The following PMS1 variants were observed in gnomAD, a reference collection of about 807,000 sequenced individuals.
PMS1 encodes the protein PMS1 homolog 1, mismatch repair system component.
Under a neutral mutation model 93.1 loss-of-function variants are expected in PMS1, and 79 were observed. That is an observed-to-expected ratio of 0.85 (90% CI 0.71 to 1.02). The LOEUF is 1.02. Ranked by LOEUF, PMS1 falls within the 50% of genes least tolerant of loss-of-function variation. The pLI, the probability that PMS1 is intolerant of heterozygous loss-of-function variation, is 0.00. For missense variants in PMS1, 1,064 were observed against 1,085.3 expected (o/e 0.98, Z 0.28); for synonymous variants, 335 against 363.4 (o/e 0.92, Z 0.89).
chr2:189,815,788 A>C (rs960072734), intron 4 of PMS1, among the ~76,000 whole-genome samples: 2 of 152,202 alleles, frequency 1.3e-5, no homozygotes, highest in Non-Finnish European at 2.9e-5. Context: ...TATCTCATGA[A>C]TCTTTATTTA....
chr2:189,805,469 A>G (rs1390134433), intron 3 of PMS1, among the ~76,000 whole-genome samples, 183 bp from the exon 4 acceptor site: 1 of 152,222 alleles, frequency 6.6e-6, no homozygotes, highest in Non-Finnish European at 1.5e-5. Context: ...AAAAAAATAC[A>G]AGCTGGCCTG....
chr2:189,788,834 T>A (rs989153461), intron 1 of PMS1, among the ~76,000 whole-genome samples: 4 of 152,244 alleles, frequency 2.6e-5, no homozygotes, highest in Non-Finnish European at 5.9e-5. Context: ...TTCAGTAAGC[T>A]ACATATGACT....
rs774486487 is a variant in PMS1 at position 189,854,434 on chromosome 2, A to C, written c.1162A>C (p.Ile388Leu). The C allele has an allele frequency of 1.1e-5, 17 of 1,609,052 alleles. No homozygotes were observed. In the East Asian group the frequency reaches 3.6e-4, roughly 34 times the overall value. Reference sequence around the variant, plus strand: ...TTATTCAAATGTTGATACTTCAGTCATTCCATTCCAAAATGATATGCATAA... The same window carrying C: ...TTATTCAAATGTTGATACTTCAGTCCTTCCATTCCAAAATGATATGCATAA... ...KNYSNVDTSVIPFQNDMHNDE... is the reference protein window; with the variant it reads ...KNYSNVDTSVLPFQNDMHNDE... Residue 388 changes from isoleucine to leucine, a missense_variant, in exon 9 of 13, where the codon ATT becomes CTT. Physicochemically the swap from Ile to Leu is conservative, Grantham distance 5 (BLOSUM62 2). Coordinates refer to ENST00000441310, the MANE Select transcript of PMS1 (RefSeq NM_000534.5).
intron 3 of PMS1, among the ~76,000 whole-genome samples, chr2:189,802,184 G>C (rs1295204267): frequency 6.6e-6 from 1 of 152,078 alleles, no homozygotes. Flanking sequence ...GTTGACCCTT[G>C]AACATCACCC....
chr2:189,811,159 T>C (rs1575104057), intron 4 of PMS1, among the ~76,000 whole-genome samples: 1 of 150,322 alleles, frequency 6.7e-6, no homozygotes, highest in Non-Finnish European at 1.5e-5. Context: ...AAAAATAATA[T>C]GCAAACAGAA....
In PMS1 at chr2:189,854,270, T is replaced by G. The variant is rs2055087431; in HGVS notation, c.998T>G (p.Met333Arg). The G allele has an allele frequency of 6.3e-7, 1 of 1,595,224 alleles. No individual in the cohort carries two copies. The highest frequency in any genetic ancestry group is 2.2e-5 in the East Asian group (1 of 44,588). Reference protein sequence around the residue: ...ESVLIALENLMTTCYGPLPST... With the variant: ...ESVLIALENLRTTCYGPLPST... ...GTTTTAATTGCTCTTGAAAATCTGA[T>G]GACGACTTGTTATGGACCATTACCT... The change falls in exon 9 of 13, where the codon ATG (methionine) becomes AGG (arginine). Residue 333 changes from methionine to arginine, a missense_variant. By Grantham distance (91) the Met-to-Arg change is moderately conservative (BLOSUM62 -1). Transcript: ENST00000441310.
chr2:189,839,429 C>T (rs1322654255), intron 5 of PMS1, among the ~76,000 whole-genome samples: 1 of 152,192 alleles, frequency 6.6e-6, no homozygotes, highest in Non-Finnish European at 1.5e-5. Context: ...CTACATTGCA[C>T]GTAAGGGAAA....
At chr2:189,789,931 G>C (rs910345590) in intron 1 of PMS1, among the ~76,000 whole-genome samples, 2 of 152,054 alleles carry the variant, frequency 1.3e-5, no homozygotes, top group African/African-American at 4.8e-5. Context: ...CCCCCTCCCT[G>C]CATGCTTTAC....
At chr2:189,838,902 C>T (rs2053597285) in intron 5 of PMS1, among the ~76,000 whole-genome samples, 1 of 152,182 alleles carries the variant, frequency 6.6e-6, no homozygotes, top group Non-Finnish European at 1.5e-5. Flanking sequence ...CTCAGGTCAC[C>T]TATCGGAATA....
At chr2:189,861,540 A>C (rs2056000273) in intron 9 of PMS1, among the ~76,000 whole-genome samples, 1 of 152,010 alleles carries the variant, frequency 6.6e-6, no homozygotes, top group Non-Finnish European at 1.5e-5. Context: ...ACCTGAAGTC[A>C]GAAGTTTGAG....
At chr2:189,799,674 C>G (rs1311031994) in intron 3 of PMS1, among the ~76,000 whole-genome samples, 8 of 152,210 alleles carry the variant, frequency 5.3e-5, no homozygotes, top group Non-Finnish European at 1.2e-4. Context: ...TCTAGATCCC[C>G]CACTTCAGGA....
rs148709441 is a variant in PMS1 at position 189,829,804 on chromosome 2, T to A, written c.582+11624T>A. 2.8e-3 allele frequency among the ~76,000 whole-genome samples: 419 copies of A among 152,334 alleles called. 3 individuals are homozygous for A. The highest frequency in any genetic ancestry group is 0.016 in the South Asian group (77 of 4,830). On this transcript the variant is annotated intron_variant, in intron 5 of 12. Transcript: ENST00000441310. ...CTGATTCCAGAGTAAATTCCGTAGG[T>A]CTATCTTTAAAATATATCCAGAATC...
At chr2:189,876,748 C>CA (rs1457238416) in intron 12 of PMS1, among the ~76,000 whole-genome samples, 1 of 150,584 alleles carries the variant, frequency 6.6e-6, no homozygotes, top group Non-Finnish European at 1.5e-5. Context: ...GCTGGGACTA[C>CA]AGGCATGCCC....
At position 189,790,624 on chromosome 2, in the gene PMS1, T is replaced by G. The variant is rs559563049; in HGVS notation, c.-20-1166T>G. Among the ~76,000 whole-genome samples, 4 of 152,346 alleles carry G rather than the reference T, an allele frequency of 2.6e-5. No individual in the cohort carries two copies. In the South Asian group the frequency reaches 6.2e-4, roughly 24 times the overall value. On this transcript the variant is annotated intron_variant, in intron 1 of 12. Coordinates refer to ENST00000441310, the MANE Select transcript of PMS1 (RefSeq NM_000534.5). ...AATAAGTATAATGTTTTATTCATAG[T>G]ACCTACTTTCTATGGTTTAGCGGTT...
intron 5 of PMS1, among the ~76,000 whole-genome samples, chr2:189,843,663 A>G (rs1004033679): frequency 4.6e-5 from 7 of 152,246 alleles, no homozygotes; most frequent in Admixed American, 1.3e-4. Flanking sequence ...TATGCCAGGC[A>G]CAGGCATATG....
Position 189,869,606 on chromosome 2 carries a change from C to T in PMS1, c.2473+1677C>T, listed in dbSNP as rs557291155. 5.9e-4 allele frequency among the ~76,000 whole-genome samples: 90 copies of T among 152,118 alleles called. 1 individual carries two copies. Among genetic ancestry groups the T allele is most frequent in the Non-Finnish European group, 7.5e-4 (51 of 67,992 alleles). ...CCGAGGTGGGTGGATCACCTGAGAT[C>T]AGGGGTTCAAGACCAGCCTGGCCAA... On this transcript the variant is annotated intron_variant, in intron 11 of 12. Coordinates refer to ENST00000441310, the MANE Select transcript of PMS1 (RefSeq NM_000534.5).
chr2:189,834,625 T>C (rs933264121), intron 5 of PMS1, among the ~76,000 whole-genome samples: 10 of 152,252 alleles, frequency 6.6e-5, no homozygotes, highest in African/African-American at 2.4e-4. Flanking sequence ...GGAAATAATC[T>C]TTCTTGTTTT....
At chr2:189,823,427 C>T (rs1038060546) in intron 5 of PMS1, among the ~76,000 whole-genome samples, 2 of 150,076 alleles carry the variant, frequency 1.3e-5, no homozygotes, top group African/African-American at 2.5e-5. Context: ...CCCCCTTCCT[C>T]CCACCCCCTC....
chr2:189,795,608 C>G (rs1211953753), intron 2 of PMS1, among the ~76,000 whole-genome samples, 161 bp from the exon 3 acceptor site: 1 of 152,190 alleles, frequency 6.6e-6, no homozygotes, highest in East Asian at 1.9e-4. Flanking sequence ...TGCACCATAA[C>G]TAGAAATTAG....
Sources: allele counts gnomAD v4.1 joint callset (sites outside exome capture counted in the v4.1 genomes callset), GRCh38; gene constraint gnomAD v4.1.1; transcripts MANE v1.5; gene names NCBI Gene and HGNC (gene_info 2026-07-23, HGNC 2026-07-21).